Variants in PHLDA1 observed in about 807,000 individuals in gnomAD.
PHLDA1 encodes pleckstrin homology-like domain family A member 1.
Under a neutral mutation model 33.8 loss-of-function variants are expected in PHLDA1, and 28 were observed. That is an observed-to-expected ratio of 0.83 (90% CI 0.61 to 1.14). The LOEUF (loss-of-function observed/expected upper bound fraction) is 1.14. Among genes scored for constraint, PHLDA1 ranks in the 50% most tolerant of loss-of-function variants. The pLI, the probability that PHLDA1 is intolerant of heterozygous loss-of-function variation, is 0.00. For synonymous variants in PHLDA1, 271 were observed against 243.6 expected (o/e 1.11, Z -1.05); for missense variants, 595 against 548.6 (o/e 1.08, Z -0.84).
exon 1 of PHLDA1, chr12:76,030,584 CGAGTGCGGCTGT>C (rs763258858): frequency 2.0e-4 from 318 of 1,613,382 alleles, no homozygotes; most frequent in Middle Eastern, 1.8e-3. Flanking sequence ...CGTGCGGCTG[CGAGTGCGGCTGT>C]GGGTGTGGGT....
At position 76,031,683 on chromosome 12, in the gene PHLDA1, C is replaced by T; in HGVS notation, c.59G>A (p.Gly20Glu). 2 of 1,470,624 alleles carry T rather than the reference C, an allele frequency of 1.4e-6. No homozygotes were observed. The highest frequency in any genetic ancestry group is 1.8e-6 in the Non-Finnish European group (2 of 1,109,962). The allele number at this position is 1,470,624 out of a possible 1,614,324, so 91.1% of individuals were successfully genotyped here. A position where few individuals can be genotyped will look rare whatever the true frequency, so the allele number is the denominator to read the frequency against. Residue 20 changes from glycine (G) to glutamate (E), a missense_variant, in exon 1 of 2, where the codon GGG becomes GAG. Gly to Glu is a moderately conservative substitution (Grantham distance 98). This residue lies in a region of PHLDA1 where 263 missense variants were observed against 232.3 expected (regional missense o/e 1.13). Coordinates refer to ENST00000266671, the Ensembl canonical transcript of PHLDA1. The surrounding 1 kb of genome is among the most constrained non-coding windows in gnomAD (Gnocchi z 5.4). ...CAGCGGAAAAGGCGGCTCCTGGCGC[C>T]CGCACCGCGGGGGAAAGCCCAGCTC...
At position 76,031,377 on chromosome 12, in the gene PHLDA1, G is replaced by A; in HGVS notation, c.365C>T (p.Ala122Val). ...GGCCTCTCCGTTTCCAGCCGCGCGG[G>A]CCGGGGGCAGCAGCAGCAGCCTCGC... is the stretch of plus-strand genomic sequence containing the variant. The change falls in exon 1 of 2, where the codon GCC becomes GTC. Residue 122 changes from alanine to valine, a missense_variant. Physicochemically the swap from Ala to Val is moderately conservative, Grantham distance 64. This residue lies in a region of PHLDA1 where 263 missense variants were observed against 232.3 expected (regional missense o/e 1.13). Transcript: ENST00000266671. The surrounding 1 kb of genome is among the most constrained non-coding windows in gnomAD (Gnocchi z 5.4). The A allele has an allele frequency of 6.2e-7, 1 of 1,606,388 alleles. No individual in the cohort carries two copies. The highest frequency in any genetic ancestry group is 1.1e-5 in the South Asian group (1 of 90,336).
At position 76,031,191 on chromosome 12, in the gene PHLDA1, G is replaced by C. The variant is rs1041794857; in HGVS notation, c.551C>G (p.Pro184Arg). The change falls in exon 1 of 2, where the codon CCC becomes CGC. Residue 184 changes from proline to arginine, a missense_variant. Pro to Arg is a moderately radical substitution (Grantham distance 103, BLOSUM62 -2). Coordinates refer to ENST00000266671, the Ensembl canonical transcript of PHLDA1. The surrounding 1 kb of genome is among the most constrained non-coding windows in gnomAD (Gnocchi z 5.4). ...CTGCTGCTGGTGTTGCAGCTGCTTG[G>C]GCGGGATAAGCAGCAGCCCTTCCTC... 2.5e-6 allele frequency: 4 copies of C among 1,612,996 alleles called. No individual in the cohort carries two copies. In the African/African-American group the frequency reaches 5.3e-5, roughly 22 times the overall value.
Position 76,031,383 on chromosome 12 carries a change from G to GGCA in PHLDA1, c.356_358dup (p.Leu119dup), listed in dbSNP as rs746836191. On this transcript the variant is annotated inframe_insertion, in exon 1 of 2. Transcript: ENST00000266671. The surrounding 1 kb of genome is among the most constrained non-coding windows in gnomAD (Gnocchi z 5.4). ...TCCGTTTCCAGCCGCGCGGGCCGGG[G>GGCA]GCAGCAGCAGCAGCCTCGCGCCGTC... 6.9e-5 allele frequency: 111 copies of GGCA among 1,604,482 alleles called. 1 individual carries two copies. In the Admixed American group the frequency reaches 1.3e-3, roughly 18 times the overall value.
chr12:76,030,304 C>T (rs914946623), intron 1 of PHLDA1, among the ~76,000 whole-genome samples: 1 of 152,210 alleles, frequency 6.6e-6, no homozygotes, highest in African/African-American at 2.4e-5. Flanking sequence ...CGCGAGGCCC[C>T]CTGCCTGGCC....
intron 1 of PHLDA1, 166 bp downstream of exon 1, chr12:76,030,344 A>C: frequency 1.6e-6 from 1 of 625,722 alleles, no homozygotes; most frequent in Non-Finnish European, 2.8e-6. Context: ...CTCTCTGCCC[A>C]GCTCTCCTGG....
Position 76,031,136 on chromosome 12 carries a change from T to C in PHLDA1, c.606A>G (p.Gln202=), listed in dbSNP as rs775747072. ...CGGCCGGCCCCTGCCCGGGCTGTTG[T>C]TGCTGCTGCTGCTGCTGCTGTTGCT... The change falls in exon 1 of 2, where the codon CAA becomes CAG. Residue 202 remains glutamine (Q), a synonymous_variant. Coordinates refer to ENST00000266671, the Ensembl canonical transcript of PHLDA1. The surrounding 1 kb of genome is among the most constrained non-coding windows in gnomAD (Gnocchi z 5.4). 9.0e-6 allele frequency: 14 copies of C among 1,553,300 alleles called. No individual in the cohort carries two copies. The South Asian group carries it at 1.0e-4, about 11-fold the overall frequency.
At chr12:76,026,227 G>A (rs1411345440) in exon 2 of PHLDA1, 1 of 152,148 alleles carries the variant, frequency 6.6e-6, no homozygotes, top group Non-Finnish European at 1.5e-5. Context: ...TGACACACAC[G>A]AAAAAGAAAA....
exon 1 of PHLDA1, chr12:76,030,979 C>T (rs1397654264): frequency 1.9e-6 from 3 of 1,613,994 alleles, no homozygotes; most frequent in South Asian, 2.2e-5. Context: ...TCTGCCATCA[C>T]CACAGTGAAG....
rs1156898385 is a variant in PHLDA1, at chr12:76,031,282, C to T, written c.460G>A (p.Gly154Ser). The change falls in exon 1 of 2, where the codon GGC becomes AGC. Residue 154 changes from glycine to serine, a missense_variant. Physicochemically the swap from Gly to Ser is moderately conservative, Grantham distance 56 (BLOSUM62 0). Transcript: ENST00000266671. The surrounding 1 kb of genome is among the most constrained non-coding windows in gnomAD (Gnocchi z 5.4). The stretch of plus-strand genomic sequence containing the variant: ...CCGTCGCTGCGCTTCTCCAGCACGC[C>T]CTCCTTCAGCGCTTTGCAGCCGCTA... The T allele has an allele frequency of 6.2e-7, 1 of 1,613,778 alleles. No homozygotes were observed. Among genetic ancestry groups the T allele is most frequent in the Non-Finnish European group, 8.5e-7 (1 of 1,179,882 alleles).
rs1228350857 is a variant in PHLDA1 at position 76,031,069 on chromosome 12, G to C, written c.673C>G (p.Pro225Ala). 1.2e-6 allele frequency: 2 copies of C among 1,610,110 alleles called. No homozygotes were observed. The highest frequency in any genetic ancestry group is 3.3e-5 in the Admixed American group (2 of 60,028). ...TGCAGTTCCTTGAGCTTGACCGGCG[G>C]CTCGAGGCTGGCGACAGCGGGGCCA... Residue 225 changes from proline (P) to alanine (A), a missense_variant, in exon 1 of 2, where the codon CCG becomes GCG. Coordinates refer to ENST00000266671, the Ensembl canonical transcript of PHLDA1. The surrounding 1 kb of genome is among the most constrained non-coding windows in gnomAD (Gnocchi z 5.4).
rs1476179745 is a variant in PHLDA1 at position 76,031,310 on chromosome 12, C to T, written c.432G>A (p.Glu144=). The T allele has an allele frequency of 1.9e-6, 3 of 1,613,586 alleles. No individual in the cohort carries two copies. The highest frequency in any genetic ancestry group is 2.5e-6 in the Non-Finnish European group (3 of 1,179,866). ...CCTTCAGCGCTTTGCAGCCGCTACTCTCCAGCATCCTCCCAGCATAAGAGG... is the reference window on the plus strand; with the variant it reads ...CCTTCAGCGCTTTGCAGCCGCTACTTTCCAGCATCCTCCCAGCATAAGAGG... The change falls in exon 1 of 2, where the codon GAG becomes GAA. Residue 144 remains glutamate (E), a synonymous_variant. Transcript: ENST00000266671. This position sits in a 1 kb window ranked among gnomAD's most constrained non-coding sequence, Gnocchi z 5.4.
rs1870899293 is a variant in PHLDA1, at chr12:76,031,168, GCT to G, written c.572_573del (p.Gln191ProfsTer225). 22 of 1,611,956 alleles carry G rather than the reference GCT, an allele frequency of 1.4e-5. No individual in the cohort carries two copies. The highest frequency in any genetic ancestry group is 2.2e-5 in the South Asian group (2 of 91,054). Reference sequence around the variant, plus strand: ...TGCTGCTGCTGCTGTTGCTGCTGCTGCTGCTGGTGTTGCAGCTGCTTGGGCGG... The same window carrying G: ...TGCTGCTGCTGCTGTTGCTGCTGCTGGCTGGTGTTGCAGCTGCTTGGGCGG... On this transcript the variant is annotated frameshift_variant, in exon 1 of 2. Coordinates refer to ENST00000266671, the Ensembl canonical transcript of PHLDA1. LOFTEE classifies it high-confidence loss of function. The surrounding 1 kb of genome is among the most constrained non-coding windows in gnomAD (Gnocchi z 5.4).
exon 1 of PHLDA1, chr12:76,030,688 G>T: frequency 8.6e-7 from 1 of 1,165,528 alleles, no homozygotes; most frequent in Non-Finnish European, 1.3e-6. Flanking sequence ...TGTGGATGCG[G>T]ATACGGGTGG....
chr12:76,028,204 A>G (rs1156883362), exon 2 of PHLDA1: 1 of 151,194 alleles, frequency 6.6e-6, no homozygotes, highest in Non-Finnish European at 1.5e-5. Flanking sequence ...ATATATACAT[A>G]TTCATATATG....
chr12:76,031,077 C>A lies in PHLDA1; in HGVS notation c.665G>T (p.Ser222Ile), dbSNP rs1426376827. 6.2e-7 allele frequency: 1 copy of A among 1,609,998 alleles called. No individual in the cohort carries two copies. The highest frequency in any genetic ancestry group is 8.5e-7 in the Non-Finnish European group (1 of 1,179,916). The stretch of plus-strand genomic sequence containing the variant: ...CTTGAGCTTGACCGGCGGCTCGAGG[C>A]TGGCGACAGCGGGGCCACTGGGTTG... Residue 222 changes from serine (S) to isoleucine (I), a missense_variant, in exon 1 of 2, where the codon AGC becomes ATC. Physicochemically the swap from Ser to Ile is moderately radical, Grantham distance 142. Around this residue, in one of 3 missense-constraint regions of PHLDA1, gnomAD observed 328 missense variants for 295.7 expected, o/e 1.11. Coordinates refer to ENST00000266671, the Ensembl canonical transcript of PHLDA1. This position sits in a 1 kb window ranked among gnomAD's most constrained non-coding sequence, Gnocchi z 5.4.
In PHLDA1 at chr12:76,031,383, G is replaced by A; in HGVS notation, c.359C>T (p.Pro120Leu). 6.2e-7 allele frequency: 1 copy of A among 1,604,594 alleles called. No homozygotes were observed. The highest frequency in any genetic ancestry group is 1.1e-5 in the South Asian group (1 of 90,108). The stretch of plus-strand genomic sequence containing the variant: ...TCCGTTTCCAGCCGCGCGGGCCGGG[G>A]GCAGCAGCAGCAGCCTCGCGCCGTC... Residue 120 changes from proline (P) to leucine (L), a missense_variant, in exon 1 of 2, where the codon CCC becomes CTC. Physicochemically the swap from Pro to Leu is moderately conservative, Grantham distance 98. Coordinates refer to ENST00000266671, the Ensembl canonical transcript of PHLDA1. The surrounding 1 kb of genome is among the most constrained non-coding windows in gnomAD (Gnocchi z 5.4).
intron 1 of PHLDA1, 156 bp downstream of exon 1, chr12:76,030,354 G>A (rs1318477974): frequency 4.7e-6 from 3 of 643,470 alleles, no homozygotes; most frequent in Non-Finnish European, 8.0e-6. Flanking sequence ...AGCTCTCCTG[G>A]CCCCAGCTTG....
In PHLDA1 at chr12:76,031,384, G is replaced by C. The variant is rs759367062; in HGVS notation, c.358C>G (p.Pro120Ala). 6.2e-7 allele frequency: 1 copy of C among 1,600,170 alleles called. No homozygotes were observed. Among genetic ancestry groups the C allele is most frequent in the African/African-American group, 1.3e-5 (1 of 74,636 alleles). ...CCGTTTCCAGCCGCGCGGGCCGGGGGCAGCAGCAGCAGCCTCGCGCCGTCC... is the reference window on the plus strand; with the variant it reads ...CCGTTTCCAGCCGCGCGGGCCGGGGCCAGCAGCAGCAGCCTCGCGCCGTCC... The change falls in exon 1 of 2, where the codon CCC becomes GCC. Residue 120 changes from proline (P) to alanine (A), a missense_variant. By Grantham distance (27) the Pro-to-Ala change is conservative. Coordinates refer to ENST00000266671, the Ensembl canonical transcript of PHLDA1. This position sits in a 1 kb window ranked among gnomAD's most constrained non-coding sequence, Gnocchi z 5.4.
Sources: allele counts gnomAD v4.1 joint callset (sites outside exome capture counted in the v4.1 genomes callset), GRCh38; gene constraint gnomAD v4.1.1; regional missense constraint gnomAD v4.1.1; non-coding constraint Gnocchi (gnomAD v3.1); transcripts MANE v1.5; gene names NCBI Gene and HGNC (gene_info 2026-07-23, HGNC 2026-07-21).